ERO1B: variants seen among roughly 807,000 people sequenced by gnomAD.
ERO1B encodes endoplasmic reticulum oxidoreductase 1 beta.
Under a neutral mutation model 75.3 loss-of-function variants are expected in ERO1B, and 49 were observed. That is an observed-to-expected ratio of 0.65 (90% CI 0.52 to 0.83). ERO1B has a LOEUF of 0.83. ERO1B is among the 40% of genes least tolerant of loss of function. The pLI, the probability that ERO1B is intolerant of heterozygous loss-of-function variation, is 0.00. For missense variants in ERO1B, 512 were observed against 560.1 expected (o/e 0.91, Z 0.87); for synonymous variants, 191 against 192.9 (o/e 0.99, Z 0.08).
At chr1:236,243,327 T>C (rs1664759986) in intron 6 of ERO1B, 95 bp downstream of exon 6, 1 of 881,058 alleles carries the variant, frequency 1.1e-6, no homozygotes, top group South Asian at 1.9e-5. Context: ...AATCCAGTAC[T>C]GAAGCTATAA....
chr1:236,258,359 T>C (rs527681577), intron 2 of ERO1B, among the ~76,000 whole-genome samples: 35 of 150,284 alleles, frequency 2.3e-4, no homozygotes, highest in African/African-American at 8.0e-4. Context: ...AGAAACCTTG[T>C]AGGCCAGAAA....
chr1:236,265,070 G>C (rs1665404403), intron 2 of ERO1B, among the ~76,000 whole-genome samples: 1 of 148,318 alleles, frequency 6.7e-6, no homozygotes, highest in Non-Finnish European at 1.5e-5. Flanking sequence ...TTAAATCAGA[G>C]CCATCACACT....
In ERO1B at chr1:236,233,266, G is replaced by A. The variant is rs545942338; in HGVS notation, c.674-427C>T. ...GGAGGTTTCAGTGAGCCAAGATCGC[G>A]CCATTGCACTCCAGCCTGGGCAACA... is the stretch of plus-strand genomic sequence containing the variant. On this transcript the variant is annotated intron_variant, in intron 8 of 15. Coordinates refer to ENST00000354619, the MANE Select transcript of ERO1B (RefSeq NM_019891.4). 4.2e-3 allele frequency among the ~76,000 whole-genome samples: 602 copies of A among 143,658 alleles called. 11 individuals are homozygous for A. The highest frequency in any genetic ancestry group is 4.1e-3 in the Non-Finnish European group (270 of 66,208). 94.2% of individuals were successfully genotyped at this position (143,658 alleles called of 152,430 possible). A position where few individuals can be genotyped will look rare whatever the true frequency, so the allele number is the denominator to read the frequency against.
rs527331194 is a variant in ERO1B at position 236,271,083 on chromosome 1, A to G, written c.103-1089T>C. 1.3e-4 allele frequency among the ~76,000 whole-genome samples: 20 copies of G among 152,334 alleles called. No individual in the cohort carries two copies. The South Asian group carries it at 4.1e-3, about 32-fold the overall frequency. Reference sequence around the variant, plus strand: ...AAGATCAGTAGATTCTATCACTGTCAATGTCCCAATTATAACACTGTACTA... The same window carrying G: ...AAGATCAGTAGATTCTATCACTGTCGATGTCCCAATTATAACACTGTACTA... On this transcript the variant is annotated intron_variant, in intron 1 of 15. Transcript: ENST00000354619.
Sources: gnomAD v4.1 joint callset for allele counts (sites outside exome capture counted in the v4.1 genomes callset) on GRCh38, gnomAD v4.1.1 for gene constraint, MANE v1.5 for transcripts, NCBI Gene and HGNC (gene_info 2026-07-23, HGNC 2026-07-21) for gene names.